The following CHODL variants were observed in gnomAD, a reference collection of about 807,000 sequenced individuals.
The protein encoded by CHODL is chondrolectin.
A neutral mutation model predicts 34.5 loss-of-function variants in CHODL; 29 were observed. The ratio of observed to expected loss-of-function variants is 0.84; its 90% confidence interval spans 0.63 to 1.15. The LOEUF (loss-of-function observed/expected upper bound fraction) is 1.15, where lower values mean the gene tolerates loss of function less well. Among genes scored for constraint, CHODL ranks in the 50% most tolerant of loss-of-function variants. CHODL has a pLI of 0.00. For missense variants in CHODL, 332 were observed against 332.5 expected, an observed-to-expected ratio of 1.00 and a Z score of 0.01; for synonymous variants, 125 against 116.1, an observed-to-expected ratio of 1.08 and a Z score of -0.49.
chr21:17,945,867 T>C (rs1178785881), intron 1 of CHODL, among the ~76,000 whole-genome samples: 1 of 151,874 alleles, frequency 6.6e-6, no homozygotes, highest in Admixed American at 6.6e-5. Context: ...GAGAAACATA[T>C]CACACACAAA....
chr21:18,119,900 C>T lies in CHODL; in HGVS notation c.-45+91929C>T, dbSNP rs557425416. Among the ~76,000 whole-genome samples, 6 of 152,092 alleles carry T rather than the reference C, an allele frequency of 3.9e-5. No homozygotes were observed. In the South Asian group the frequency reaches 8.3e-4, roughly 21 times the overall value. On this transcript the variant is annotated intron_variant, in intron 2 of 6. Transcript: ENST00000400127. ...GATCTAGAGCTAGGATCCAAGCCTC[C>T]GATTTTGATTTTGTAGGATTATTTT...
intron 2 of CHODL, among the ~76,000 whole-genome samples, chr21:18,177,923 T>G (rs1253201542): frequency 1.3e-5 from 2 of 152,172 alleles, no homozygotes; most frequent in Non-Finnish European, 2.9e-5. Context: ...TTGAGAAAGC[T>G]ATTTACTTGG....
intron 1 of CHODL, among the ~76,000 whole-genome samples, chr21:17,945,158 G>A (rs2063396225): frequency 6.6e-6 from 1 of 150,840 alleles, no homozygotes; most frequent in Admixed American, 6.6e-5. Flanking sequence ...CTTGCAGTGA[G>A]CCGAGATCGC....
At chr21:17,927,145 TA>T (rs2063233896) in intron 1 of CHODL, among the ~76,000 whole-genome samples, 1 of 61,854 alleles carries the variant, frequency 1.6e-5, no homozygotes, top group Non-Finnish European at 4.0e-5. Context: ...TATATATGTA[TA>T]TATGTATATA....
chr21:18,177,232 A>G (rs970773267), intron 2 of CHODL, among the ~76,000 whole-genome samples: 9 of 152,034 alleles, frequency 5.9e-5, no homozygotes, highest in African/African-American at 2.2e-4. Context: ...ATATTATGGT[A>G]AATCCTACAA....
intron 2 of CHODL, among the ~76,000 whole-genome samples, chr21:18,171,031 T>C (rs1167685994): frequency 6.6e-6 from 1 of 151,618 alleles, no homozygotes; most frequent in Non-Finnish European, 1.5e-5. Context: ...AGGATAATTT[T>C]GCTGAGTGTG....
At chr21:18,058,999 G>A (rs146188280) in intron 2 of CHODL, among the ~76,000 whole-genome samples, 1,564 of 152,224 alleles carry the variant, frequency 0.01, 15 homozygotes, top group Middle Eastern at 0.02. Context: ...TGGTGTTATG[G>A]ACTAAATTTT....
chr21:18,114,255 AAC>A (rs2065385752), intron 2 of CHODL, among the ~76,000 whole-genome samples: 1 of 152,158 alleles, frequency 6.6e-6, no homozygotes, highest in Admixed American at 6.6e-5. Context: ...CATCAATGAT[AAC>A]TTACTTGCAT....
rs68066729 is a variant in CHODL, at chr21:18,108,837, T to TTGTGTGTG, written c.-45+80894_-45+80901dup. Among the ~76,000 whole-genome samples the TTGTGTGTG allele has an allele frequency of 4.7e-3, 685 of 146,256 alleles. 5 individuals carry two copies. The highest frequency in any genetic ancestry group is 7.3e-3 in the Non-Finnish European group (479 of 65,990). On this transcript the variant is annotated intron_variant, in intron 2 of 6. Transcript: ENST00000400127. The stretch of plus-strand genomic sequence containing the variant: ...TTCTCAGATTCTCTTCTTTGCAATG[T>TTGTGTGTG]TGTGTGTGTGTGTGTGTGTGTGTGT...
chr21:18,190,109 C>G (rs2073493641), intron 2 of CHODL, among the ~76,000 whole-genome samples: 1 of 151,894 alleles, frequency 6.6e-6, no homozygotes, highest in Admixed American at 6.6e-5. Context: ...TGGCATTTTT[C>G]TCATTTATGT....
intron 2 of CHODL, among the ~76,000 whole-genome samples, chr21:18,180,791 A>G (rs1461637328): frequency 1.3e-5 from 2 of 152,216 alleles, no homozygotes; most frequent in Non-Finnish European, 2.9e-5. Context: ...AGTTTCGCAT[A>G]TGGAATCAGC....
intron 2 of CHODL, among the ~76,000 whole-genome samples, chr21:18,203,903 G>T (rs1274682059): frequency 6.6e-6 from 1 of 152,040 alleles, no homozygotes; most frequent in Non-Finnish European, 1.5e-5. Context: ...TTAATCTGTG[G>T]ACTCCATTCT....
chr21:18,232,941 TGATATATATATATA>T (rs2073994303), intron 2 of CHODL, among the ~76,000 whole-genome samples: 2 of 97,608 alleles, frequency 2.0e-5, no homozygotes, highest in Admixed American at 1.1e-4. Context: ...CATGATGTTA[TGATATATATATATA>T]TATATATATA....
At chr21:18,062,774 C>T (rs962982977) in intron 2 of CHODL, among the ~76,000 whole-genome samples, 33 of 152,074 alleles carry the variant, frequency 2.2e-4, no homozygotes, top group African/African-American at 5.5e-4. Flanking sequence ...TCAAACAAAA[C>T]AAAGTGTGGA....
At chr21:18,257,570 C>T (rs2074332685) in intron 3 of CHODL, among the ~76,000 whole-genome samples, 1 of 152,170 alleles carries the variant, frequency 6.6e-6, no homozygotes, top group South Asian at 2.1e-4. Flanking sequence ...ATTTGCTTAT[C>T]ATTTTATGGT....
chr21:18,110,604 T>C (rs1425038107), intron 2 of CHODL, among the ~76,000 whole-genome samples: 1 of 151,868 alleles, frequency 6.6e-6, no homozygotes, highest in Non-Finnish European at 1.5e-5. Flanking sequence ...CCAGGCACCA[T>C]CACAGAAGAC....
chr21:18,240,183 A>G (rs1208351486), upstream of CHODL, among the ~76,000 whole-genome samples: 2 of 152,126 alleles, frequency 1.3e-5, no homozygotes, highest in Non-Finnish European at 2.9e-5. Context: ...AAATTAAGTG[A>G]CATTTTACAA....
intron 2 of CHODL, among the ~76,000 whole-genome samples, chr21:18,102,250 G>A (rs1568887130): frequency 6.6e-6 from 1 of 152,106 alleles, no homozygotes; most frequent in Non-Finnish European, 1.5e-5. Flanking sequence ...ATCATCCAGG[G>A]AACGCCCAAC....
chr21:18,162,658 A>G lies in CHODL; in HGVS notation c.-44-93851A>G, dbSNP rs143819254. 8.6e-3 allele frequency among the ~76,000 whole-genome samples: 1,304 copies of G among 152,314 alleles called. 12 individuals are homozygous for G. Among genetic ancestry groups the G allele is most frequent in the Non-Finnish European group, 0.013 (877 of 68,012 alleles). ...TCTTCAACATTTGAATGTGAAGTAG[A>G]AGAGATAATTCCACCCATAATAACT... On this transcript the variant is annotated intron_variant, in intron 2 of 6. Coordinates refer to the CHODL transcript ENST00000400127.
Sources: gnomAD v4.1 joint callset for allele counts (sites outside exome capture counted in the v4.1 genomes callset) on GRCh38, gnomAD v4.1.1 for gene constraint, MANE v1.5 for transcripts, NCBI Gene and HGNC (gene_info 2026-07-23, HGNC 2026-07-21) for gene names.